SPATA17: variants seen among roughly 807,000 people sequenced by gnomAD.
SPATA17 encodes the protein spermatogenesis-associated protein 17.
In SPATA17, 53 loss-of-function variants were observed where a neutral mutation model predicts 62.2. The ratio of observed to expected loss-of-function variants is 0.85; its 90% CI spans 0.68 to 1.07. The LOEUF (loss-of-function observed/expected upper bound fraction) is 1.07, where lower values mean the gene tolerates loss of function less well. Ranked by LOEUF, SPATA17 falls within the 50% of genes least tolerant of loss-of-function variation. The pLI is 0.00. For synonymous variants in SPATA17, 146 were observed against 146.8 expected, an observed-to-expected ratio of 0.99 and a Z score of 0.04; for missense variants, 466 against 425.5, an observed-to-expected ratio of 1.10 and a Z score of -0.84.
At chr1:217,774,645 G>T in intron 7 of SPATA17, 108 bp downstream of exon 7, 2 of 857,842 alleles carry the variant, frequency 2.3e-6, no homozygotes, top group Non-Finnish European at 3.5e-6. Flanking sequence ...ATATAGTTTA[G>T]TGGGATTAAG....
chr1:217,763,719 A>C (rs550755335), intron 6 of SPATA17, among the ~76,000 whole-genome samples: 1 of 152,290 alleles, frequency 6.6e-6, no homozygotes, highest in South Asian at 2.1e-4. Flanking sequence ...TTGCTTGGAC[A>C]AGGATGGTGG....
At chr1:217,725,967 G>C (rs1439316439) in intron 5 of SPATA17, among the ~76,000 whole-genome samples, 1 of 152,054 alleles carries the variant, frequency 6.6e-6, no homozygotes, top group African/African-American at 2.4e-5. Flanking sequence ...GTATTTTTCT[G>C]TTGTATTTGT....
At chr1:217,651,692 A>G (rs1469136164) in intron 3 of SPATA17, among the ~76,000 whole-genome samples, 2 of 152,242 alleles carry the variant, frequency 1.3e-5, no homozygotes, top group African/African-American at 2.4e-5. Context: ...AATAAATGAT[A>G]TATCATTCCA....
At chr1:217,699,911 T>A (rs1234373214) in intron 5 of SPATA17, among the ~76,000 whole-genome samples, 2 of 152,198 alleles carry the variant, frequency 1.3e-5, no homozygotes, top group African/African-American at 4.8e-5. Flanking sequence ...CACCATTCTT[T>A]GAAGAGGCTA....
intron 5 of SPATA17, among the ~76,000 whole-genome samples, chr1:217,697,729 T>C (rs1017649311): frequency 1.3e-5 from 2 of 152,150 alleles, no homozygotes; most frequent in Admixed American, 6.5e-5. Context: ...TGAGGTAAAT[T>C]TGAACAACAA....
chr1:217,746,364 T>C (rs1021784822), intron 6 of SPATA17, among the ~76,000 whole-genome samples: 2 of 151,806 alleles, frequency 1.3e-5, no homozygotes, highest in East Asian at 1.9e-4. Context: ...ATGATTTATA[T>C]TGGTGATTGG....
At chr1:217,863,002 G>A (rs1349686132) in intron 10 of SPATA17, 146 bp downstream of exon 10, 2 of 448,628 alleles carry the variant, frequency 4.5e-6, no homozygotes, top group African/African-American at 4.0e-5. Context: ...TTCCTTCATT[G>A]TAGTGTAATG....
At chr1:217,780,862 C>G (rs371594452) in intron 7 of SPATA17, among the ~76,000 whole-genome samples, 1 of 151,770 alleles carries the variant, frequency 6.6e-6, no homozygotes, top group Non-Finnish European at 1.5e-5. Context: ...TGATGAACAT[C>G]GGCATAGAGA....
intron 9 of SPATA17, 76 bp downstream of exon 9, chr1:217,801,926 A>T: frequency 7.3e-7 from 1 of 1,374,236 alleles, no homozygotes; most frequent in East Asian, 2.6e-5. Flanking sequence ...GCAAATATAA[A>T]TATTCTTATT....
intron 5 of SPATA17, among the ~76,000 whole-genome samples, chr1:217,700,321 G>T (rs986668009): frequency 6.6e-6 from 1 of 152,014 alleles, no homozygotes. Context: ...TGTTGTCTTA[G>T]TTCTATTATT....
At chr1:217,679,578 T>A (rs568536569) in intron 4 of SPATA17, among the ~76,000 whole-genome samples, 14 of 152,244 alleles carry the variant, frequency 9.2e-5, no homozygotes, top group Admixed American at 2.0e-4. Context: ...TGTGGATGAG[T>A]TTTAATTTGT....
At chr1:217,776,356 C>T (rs959796525) in intron 7 of SPATA17, among the ~76,000 whole-genome samples, 2 of 152,180 alleles carry the variant, frequency 1.3e-5, no homozygotes, top group Non-Finnish European at 2.9e-5. Flanking sequence ...ACTCCCAGAA[C>T]TCCTGACCAT....
chr1:217,733,271 C>A (rs1336053632), intron 5 of SPATA17, among the ~76,000 whole-genome samples: 3 of 152,154 alleles, frequency 2.0e-5, no homozygotes, highest in Non-Finnish European at 4.4e-5. Flanking sequence ...GGCCAGGAAA[C>A]CTTTCTTCTC....
At chr1:217,701,802 C>T (rs115950727) in intron 5 of SPATA17, among the ~76,000 whole-genome samples, 7,712 of 151,938 alleles carry the variant, frequency 0.051, 257 homozygotes, top group Middle Eastern at 0.12. Context: ...CTTTCGTTTC[C>T]GTTTCATCTT....
chr1:217,858,277 G>T (rs1287852385), intron 9 of SPATA17, among the ~76,000 whole-genome samples: 1 of 152,130 alleles, frequency 6.6e-6, no homozygotes, highest in East Asian at 1.9e-4. Flanking sequence ...CCCAAAATTA[G>T]TCTCCTGTAA....
At chr1:217,823,699 A>G (rs1674923207) in intron 9 of SPATA17, among the ~76,000 whole-genome samples, 1 of 152,004 alleles carries the variant, frequency 6.6e-6, no homozygotes, top group Admixed American at 6.6e-5. Flanking sequence ...TTCATTGCTG[A>G]AAATGGGGTG....
intron 6 of SPATA17, among the ~76,000 whole-genome samples, chr1:217,750,981 G>C (rs1295734543): frequency 1.3e-5 from 2 of 152,148 alleles, no homozygotes; most frequent in Non-Finnish European, 2.9e-5. Context: ...TCTACACCTG[G>C]TTCACCTAAA....
At chr1:217,745,971 T>C (rs895333274) in intron 6 of SPATA17, among the ~76,000 whole-genome samples, 11 of 152,098 alleles carry the variant, frequency 7.2e-5, no homozygotes, top group African/African-American at 2.7e-4. Flanking sequence ...TGAGTGTTGT[T>C]AGTAATTTTT....
At chr1:217,808,397 A>G (rs1368080710) in intron 9 of SPATA17, among the ~76,000 whole-genome samples, 2 of 151,728 alleles carry the variant, frequency 1.3e-5, no homozygotes, top group South Asian at 2.1e-4. Flanking sequence ...CTCAGAATTT[A>G]TACAGAATGA....
Sources: allele counts gnomAD v4.1 joint callset (sites outside exome capture counted in the v4.1 genomes callset), GRCh38; gene constraint gnomAD v4.1.1; transcripts MANE v1.5; gene names NCBI Gene and HGNC (gene_info 2026-07-23, HGNC 2026-07-21).